Variants in ANKS1B observed in about 807,000 individuals in gnomAD.
The protein encoded by ANKS1B is ankyrin repeat and sterile alpha motif domain containing 1B.
Under a neutral mutation model 148.3 loss-of-function variants are expected in ANKS1B, and 36 were observed. The observed-to-expected ratio is 0.24, with a 90% CI of 0.19 to 0.32. The LOEUF (loss-of-function observed/expected upper bound fraction) is 0.32. ANKS1B is among the 10% of genes least tolerant of loss of function. The probability of loss-of-function intolerance (pLI) is 1.00; values close to 1 mark genes in which losing one functional copy is unlikely to be tolerated. For missense variants in ANKS1B, 1,157 were observed against 1,542.6 expected (o/e 0.75, Z 4.19); for synonymous variants, 542 against 560.8 (o/e 0.97, Z 0.47).
chr12:99,399,909 T>A, intron 11 of ANKS1B, 98 bp from the exon 12 acceptor site: 1 of 1,207,576 alleles, frequency 8.3e-7, no homozygotes, highest in Non-Finnish European at 1.2e-6. Context: ...TTTTTTCAGT[T>A]AAAAACTATC....
At chr12:99,623,815 A>G (rs1473557165) in intron 9 of ANKS1B, among the ~76,000 whole-genome samples, 1 of 152,158 alleles carries the variant, frequency 6.6e-6, no homozygotes, top group Non-Finnish European at 1.5e-5. Flanking sequence ...ATATCATTAA[A>G]ATGTCCATAC....
At chr12:99,573,735 C>A (rs2097486826) in intron 9 of ANKS1B, among the ~76,000 whole-genome samples, 1 of 151,658 alleles carries the variant, frequency 6.6e-6, no homozygotes, top group Non-Finnish European at 1.5e-5. Context: ...AAAAAAAATC[C>A]TCACTCTTCC....
At chr12:99,119,132 C>A (rs535385838) in intron 15 of ANKS1B, among the ~76,000 whole-genome samples, 1 of 152,144 alleles carries the variant, frequency 6.6e-6, no homozygotes, top group African/African-American at 2.4e-5. Flanking sequence ...GGGGAGATTA[C>A]CATGGATTAT....
intron 17 of ANKS1B, among the ~76,000 whole-genome samples, chr12:98,838,930 A>G (rs768207638): frequency 6.6e-6 from 1 of 152,206 alleles, no homozygotes; most frequent in Admixed American, 6.5e-5. Context: ...AACACTTTCC[A>G]CCTGAAAGCA....
At chr12:99,938,150 A>C (rs1320535978) in intron 1 of ANKS1B, among the ~76,000 whole-genome samples, 2 of 152,182 alleles carry the variant, frequency 1.3e-5, no homozygotes, top group African/African-American at 4.8e-5. Context: ...CAAACTTGTC[A>C]TACCCATTTT....
chr12:99,556,990 A>G (rs1255239657), intron 9 of ANKS1B, among the ~76,000 whole-genome samples: 1 of 152,154 alleles, frequency 6.6e-6, no homozygotes, highest in African/African-American at 2.4e-5. Context: ...TTAGGTCCCA[A>G]ATATCTTTGT....
intron 8 of ANKS1B, among the ~76,000 whole-genome samples, chr12:99,712,021 A>C (rs185990921): frequency 2.0e-5 from 3 of 152,224 alleles, no homozygotes; most frequent in Non-Finnish European, 4.4e-5. Context: ...GTCATAAAAA[A>C]TAATGAGATC....
At chr12:99,309,811 T>C (rs2082892565) in intron 12 of ANKS1B, among the ~76,000 whole-genome samples, 1 of 152,116 alleles carries the variant, frequency 6.6e-6, no homozygotes, top group South Asian at 2.1e-4. Flanking sequence ...TAAATAAGCC[T>C]AAGCAGTACT....
At chr12:99,935,043 T>C (rs1284512391) in intron 1 of ANKS1B, among the ~76,000 whole-genome samples, 2 of 133,764 alleles carry the variant, frequency 1.5e-5, no homozygotes, top group East Asian at 3.9e-4. Context: ...TCTATTCCGA[T>C]AAATAAATTA....
At chr12:98,978,797 G>A (rs190732753) in intron 17 of ANKS1B, among the ~76,000 whole-genome samples, 1 of 152,136 alleles carries the variant, frequency 6.6e-6, no homozygotes, top group East Asian at 1.9e-4. Flanking sequence ...ACATAACAGT[G>A]TATATAATAA....
intron 8 of ANKS1B, among the ~76,000 whole-genome samples, chr12:99,670,626 A>G (rs2098533467): frequency 6.6e-6 from 1 of 152,192 alleles, no homozygotes; most frequent in Non-Finnish European, 1.5e-5. Context: ...ATATCTATAC[A>G]TAACTAGACA....
At chr12:98,911,124 T>C (rs1457322552) in intron 17 of ANKS1B, among the ~76,000 whole-genome samples, 1 of 152,144 alleles carries the variant, frequency 6.6e-6, no homozygotes, top group East Asian at 1.9e-4. Context: ...AACTGTGATA[T>C]TTTACTGATA....
chr12:99,154,690 A>G, intron 14 of ANKS1B: 2 of 1,437,136 alleles, frequency 1.4e-6, no homozygotes, highest in African/African-American at 1.4e-5. Flanking sequence ...AGGCAGCAGA[A>G]GAAGGCATAT....
intron 17 of ANKS1B, among the ~76,000 whole-genome samples, chr12:98,858,439 G>A (rs2099582824): frequency 6.6e-6 from 1 of 152,194 alleles, no homozygotes; most frequent in Non-Finnish European, 1.5e-5. Context: ...GACCTCCTGG[G>A]CTCAGCCATT....
chr12:99,839,980 A>G (rs542430395), intron 1 of ANKS1B, among the ~76,000 whole-genome samples: 3 of 152,274 alleles, frequency 2.0e-5, no homozygotes, highest in Admixed American at 6.5e-5. Flanking sequence ...TTGAGTATCC[A>G]CTATATACAG....
intron 15 of ANKS1B, among the ~76,000 whole-genome samples, chr12:99,131,338 T>C (rs2066028195): frequency 6.6e-6 from 1 of 152,244 alleles, no homozygotes; most frequent in South Asian, 2.1e-4. Context: ...CAGTTCTTCC[T>C]GTTTGATTCC....
intron 11 of ANKS1B, among the ~76,000 whole-genome samples, chr12:99,404,047 G>T (rs2094475178): frequency 1.4e-5 from 2 of 146,324 alleles, no homozygotes; most frequent in Admixed American, 1.4e-4. Flanking sequence ...GGAGACCGAG[G>T]CTATTATCCT....
intron 17 of ANKS1B, among the ~76,000 whole-genome samples, chr12:98,867,280 G>C (rs1201839970): frequency 2.6e-5 from 4 of 152,152 alleles, no homozygotes; most frequent in Non-Finnish European, 4.4e-5. Context: ...AGACTCTTCT[G>C]GCACCTAATC....
rs575451584 is a variant in ANKS1B, at chr12:99,325,021, C to T, written c.1756+74610G>A. ...ATTCCCTTTCTGAAATCAGATATGC[C>T]GTATATGTACAGTATGTACCACATA... On this transcript the variant is annotated intron_variant, in intron 12 of 26. Coordinates refer to ENST00000683438, the MANE Select transcript of ANKS1B (RefSeq NM_001352186.2). 5.3e-5 allele frequency among the ~76,000 whole-genome samples: 8 copies of T among 152,034 alleles called. 1 individual carries two copies. The highest frequency in any genetic ancestry group is 7.2e-5 in the African/African-American group (3 of 41,488).
Sources: gnomAD v4.1 joint callset for allele counts (sites outside exome capture counted in the v4.1 genomes callset) on GRCh38, gnomAD v4.1.1 for gene constraint, MANE v1.5 for transcripts, NCBI Gene and HGNC (gene_info 2026-07-23, HGNC 2026-07-21) for gene names.